Variants in PRKCH observed in about 807,000 individuals in gnomAD.
PRKCH encodes protein kinase C eta type.
PRKCH carries 28 observed loss-of-function variants against 82.5 expected under a neutral mutation model. That is an observed-to-expected ratio of 0.34 (90% CI 0.25 to 0.47). PRKCH has a LOEUF of 0.47. Ranked by LOEUF, PRKCH falls within the 20% of genes least tolerant of loss-of-function variation. The pLI is 1.00. For missense variants in PRKCH, 705 were observed against 881.8 expected, an observed-to-expected ratio of 0.80 and a Z score of 2.54; for synonymous variants, 322 against 327.4, an observed-to-expected ratio of 0.98 and a Z score of 0.18.
chr14:61,330,773 A>T (rs1477112041), intron 1 of PRKCH, among the ~76,000 whole-genome samples: 1 of 152,118 alleles, frequency 6.6e-6, no homozygotes, highest in African/African-American at 2.4e-5. Flanking sequence ...GGACATTTTA[A>T]ATTTTGTGAC....
chr14:61,487,929 G>C (rs1043742556), intron 10 of PRKCH, among the ~76,000 whole-genome samples: 1 of 152,010 alleles, frequency 6.6e-6, no homozygotes, highest in Non-Finnish European at 1.5e-5. Flanking sequence ...CGAGGCGGGC[G>C]GATCACGAGG....
intron 1 of PRKCH, among the ~76,000 whole-genome samples, chr14:61,265,424 T>C (rs1594881423): frequency 6.6e-6 from 1 of 152,214 alleles, no homozygotes; most frequent in Non-Finnish European, 1.5e-5. Flanking sequence ...GAAGCTGCAG[T>C]GAGCCAAGAT....
chr14:61,430,580 G>A (rs1195205695), intron 2 of PRKCH, among the ~76,000 whole-genome samples: 2 of 152,192 alleles, frequency 1.3e-5, no homozygotes, highest in Admixed American at 1.3e-4. Flanking sequence ...GAGTAGTTAG[G>A]CAGATATGAG....
intron 1 of PRKCH, among the ~76,000 whole-genome samples, chr14:61,375,466 C>T (rs2046416987): frequency 6.6e-6 from 1 of 152,036 alleles, no homozygotes. Context: ...TCTATTCTCA[C>T]ACTGTTATAC....
chr14:61,381,789 C>T (rs1594643353), intron 1 of PRKCH, among the ~76,000 whole-genome samples: 2 of 152,218 alleles, frequency 1.3e-5, no homozygotes, highest in African/African-American at 2.4e-5. Flanking sequence ...TGCCCAGGCT[C>T]CCAGGGGAAT....
In PRKCH at chr14:61,452,503, G is replaced by T. The variant is rs1237337599; in HGVS notation, c.833-723G>T. Among the ~76,000 whole-genome samples, 9 of 152,296 alleles carry T rather than the reference G, an allele frequency of 5.9e-5. No individual in the cohort carries two copies. The South Asian group carries it at 1.7e-3, about 28-fold the overall frequency. On this transcript the variant is annotated intron_variant, in intron 6 of 13. Coordinates refer to ENST00000332981, the MANE Select transcript of PRKCH (RefSeq NM_006255.5). ...ATTTATTCCAGCTGATAACGCCTCA[G>T]ATCCTTCATTGTCCCCAGGCAGCTT...
chr14:61,400,325 G>A (rs1466878574), intron 2 of PRKCH, among the ~76,000 whole-genome samples: 4 of 152,166 alleles, frequency 2.6e-5, no homozygotes, highest in Non-Finnish European at 4.4e-5. Context: ...TCCTTTCTCA[G>A]ATTTCAAGCC....
At chr14:61,407,105 G>C (rs1386449868) in intron 2 of PRKCH, among the ~76,000 whole-genome samples, 1 of 152,184 alleles carries the variant, frequency 6.6e-6, no homozygotes, top group Non-Finnish European at 1.5e-5. Flanking sequence ...GAATAGGGTA[G>C]TTTTAAGCAA....
chr14:61,374,996 C>A (rs1189580591), intron 1 of PRKCH, among the ~76,000 whole-genome samples: 2 of 152,056 alleles, frequency 1.3e-5, no homozygotes, highest in Non-Finnish European at 1.5e-5. Flanking sequence ...ATGTAAGTTC[C>A]AATTTCACAC....
At chr14:61,327,325 C>T (rs922120883) in intron 1 of PRKCH, 12 of 331,642 alleles carry the variant, frequency 3.6e-5, no homozygotes, top group Non-Finnish European at 6.6e-5. Context: ...TCTAGTGGTT[C>T]ATTCTCTTTT....
rs372024876 is a variant in PRKCH at position 61,403,682 on chromosome 14, A to G, written c.427+12394A>G. On this transcript the variant is annotated intron_variant, in intron 2 of 13. Transcript: ENST00000332981. ...TGAACAAGTGATCAGTGCTGTGAGCACTAAAAGCTGAACCTCAAAAACAGC... is the reference window on the plus strand; with the variant it reads ...TGAACAAGTGATCAGTGCTGTGAGCGCTAAAAGCTGAACCTCAAAAACAGC... Among the ~76,000 whole-genome samples the G allele has an allele frequency of 1.1e-4, 16 of 152,228 alleles. No homozygotes were observed. The East Asian group carries it at 1.7e-3, about 16-fold the overall frequency.
chr14:61,431,491 C>A (rs1233252433), intron 2 of PRKCH, among the ~76,000 whole-genome samples: 2 of 152,222 alleles, frequency 1.3e-5, no homozygotes, highest in Non-Finnish European at 2.9e-5. Flanking sequence ...CTCATTCTAC[C>A]TTATCCTCTC....
At chr14:61,270,332 A>G (rs951984391) in intron 1 of PRKCH, among the ~76,000 whole-genome samples, 4 of 152,128 alleles carry the variant, frequency 2.6e-5, no homozygotes, top group African/African-American at 4.8e-5. Flanking sequence ...GAAAAAAGAC[A>G]ATGAGGAGAT....
At chr14:61,195,025 C>T (rs181061298) in intron 1 of PRKCH, among the ~76,000 whole-genome samples, 27 of 152,330 alleles carry the variant, frequency 1.8e-4, no homozygotes, top group East Asian at 3.9e-4. Context: ...TGAGCCACTG[C>T]GCCTGGCCAT....
At chr14:61,199,431 T>C (rs1327837155) in intron 1 of PRKCH, among the ~76,000 whole-genome samples, 2 of 152,234 alleles carry the variant, frequency 1.3e-5, no homozygotes, top group Admixed American at 1.3e-4. Flanking sequence ...AAGTGCCCTC[T>C]GCTCTGGTTT....
chr14:61,215,883 A>G (rs1371031281), intron 1 of PRKCH, among the ~76,000 whole-genome samples: 2 of 152,208 alleles, frequency 1.3e-5, no homozygotes, highest in African/African-American at 4.8e-5. Flanking sequence ...TTTGTGTAAT[A>G]TAGAATACCC....
intron 9 of PRKCH, among the ~76,000 whole-genome samples, chr14:61,474,635 A>G (rs569946752): frequency 1.4e-4 from 22 of 152,326 alleles, no homozygotes; most frequent in African/African-American, 5.3e-4. Context: ...CAGCAAACCA[A>G]CATGGCACAT....
chr14:61,187,497 G>C (rs2044372089), upstream of PRKCH: 1 of 152,256 alleles, frequency 6.6e-6, no homozygotes, highest in South Asian at 2.1e-4. Flanking sequence ...CAATGCAGTG[G>C]GTATCAGAGC....
rs1594720464 is a variant in PRKCH at position 61,451,116 on chromosome 14, A to G, written c.832+145A>G. 4.4e-6 allele frequency: 5 copies of G among 1,127,256 alleles called. No individual in the cohort carries two copies. In the African/African-American group the frequency reaches 4.8e-5, roughly 11 times the overall value. The allele number at this position is 1,127,256 out of a possible 1,614,324, so 69.8% of individuals were successfully genotyped here. The stretch of plus-strand genomic sequence containing the variant: ...AACATCTTAGTCATTTTAAACTTAC[A>G]TGTTTCTTGTCAGGCATGTAAAGAG... On this transcript the variant is annotated intron_variant, in intron 6 of 13. Transcript: ENST00000332981.
Sources: gnomAD v4.1 joint callset for allele counts (sites outside exome capture counted in the v4.1 genomes callset) on GRCh38, gnomAD v4.1.1 for gene constraint, MANE v1.5 for transcripts, NCBI Gene and HGNC (gene_info 2026-07-23, HGNC 2026-07-21) for gene names.